Variants in DSCAM observed in about 807,000 individuals in gnomAD.
The protein encoded by DSCAM is DS cell adhesion molecule, also known as cell adhesion molecule DSCAM.
DSCAM carries 47 observed loss-of-function variants against 217.7 expected under a neutral mutation model. The observed-to-expected ratio is 0.22, with a 90% confidence interval of 0.17 to 0.28. The LOEUF is 0.28. Ranked by LOEUF, DSCAM falls within the 10% of genes least tolerant of loss-of-function variation. DSCAM has a pLI of 1.00. For missense variants in DSCAM, 2,080 were observed against 2,618.3 expected (o/e 0.79, Z 4.49); for synonymous variants, 1,056 against 1,015.3 (o/e 1.04, Z -0.76).
chr21:40,311,478 A>G (rs2205096), intron 9 of DSCAM, among the ~76,000 whole-genome samples: 28,658 of 152,166 alleles, frequency 0.19, 5,083 homozygotes, highest in African/African-American at 0.46. Context: ...CCAGTTTTCT[A>G]CAAGTTAGCC....
intron 1 of DSCAM, among the ~76,000 whole-genome samples, chr21:40,741,023 T>C (rs1034490130): frequency 3.3e-5 from 5 of 152,178 alleles, no homozygotes; most frequent in African/African-American, 1.2e-4. Context: ...ACTCAGAATT[T>C]AGTGGGGGCA....
intron 1 of DSCAM, among the ~76,000 whole-genome samples, chr21:40,802,969 G>T (rs746527274): frequency 6.6e-6 from 1 of 152,158 alleles, no homozygotes; most frequent in Non-Finnish European, 1.5e-5. Flanking sequence ...AGACAGACAA[G>T]GTACCACTAA....
At chr21:40,841,614 A>G (rs1412760115) in intron 1 of DSCAM, among the ~76,000 whole-genome samples, 1 of 152,046 alleles carries the variant, frequency 6.6e-6, no homozygotes, top group Non-Finnish European at 1.5e-5. Context: ...GCGGAGATTG[A>G]TGGACTGCGG....
intron 27 of DSCAM, among the ~76,000 whole-genome samples, chr21:40,066,264 C>T (rs920477605): frequency 5.3e-5 from 8 of 152,228 alleles, no homozygotes; most frequent in Non-Finnish European, 8.8e-5. Context: ...TTCCTGAGGA[C>T]ACATTTAATT....
intron 9 of DSCAM, among the ~76,000 whole-genome samples, chr21:40,302,485 T>A (rs2074028194): frequency 6.6e-6 from 1 of 152,166 alleles, no homozygotes; most frequent in South Asian, 2.1e-4. Context: ...CAGTCTTGGG[T>A]ATGTCTTTAT....
intron 3 of DSCAM, among the ~76,000 whole-genome samples, chr21:40,431,096 T>G (rs989568255): frequency 6.6e-6 from 1 of 152,228 alleles, no homozygotes; most frequent in Non-Finnish European, 1.5e-5. Context: ...ACAAAAATAG[T>G]TATCCTGCCA....
chr21:40,170,799 T>G (rs552048202), intron 15 of DSCAM, among the ~76,000 whole-genome samples: 71 of 152,312 alleles, frequency 4.7e-4, no homozygotes, highest in African/African-American at 1.7e-3. Flanking sequence ...TTAACTGAAT[T>G]TGACAAGAAG....
intron 1 of DSCAM, among the ~76,000 whole-genome samples, chr21:40,801,017 T>C (rs1056469767): frequency 1.3e-5 from 2 of 151,288 alleles, no homozygotes. Flanking sequence ...AGTGGCTTGA[T>C]CTTGGCTCAC....
At chr21:40,265,780 C>T (rs1030757082) in intron 11 of DSCAM, among the ~76,000 whole-genome samples, 4 of 152,056 alleles carry the variant, frequency 2.6e-5, no homozygotes, top group Non-Finnish European at 5.9e-5. Context: ...ATTCAATAAA[C>T]GGTGCTGGGA....
At chr21:40,258,633 T>C (rs1012633710) in intron 11 of DSCAM, among the ~76,000 whole-genome samples, 1 of 152,248 alleles carries the variant, frequency 6.6e-6, no homozygotes, top group African/African-American at 2.4e-5. Flanking sequence ...TACTTTATGT[T>C]CTTAGCTCCC....
chr21:40,524,437 T>G (rs1161539814), intron 3 of DSCAM, among the ~76,000 whole-genome samples: 1 of 152,144 alleles, frequency 6.6e-6, no homozygotes, highest in Admixed American at 6.5e-5. Context: ...AAAGGTTGAA[T>G]AGAAAAAGTT....
chr21:40,244,966 G>T (rs570471963), intron 11 of DSCAM, among the ~76,000 whole-genome samples: 1 of 151,486 alleles, frequency 6.6e-6, no homozygotes, highest in African/African-American at 2.4e-5. Context: ...AGAGCTGAGC[G>T]AGGCACTGGG....
chr21:40,531,099 G>A (rs1034069864), intron 3 of DSCAM, among the ~76,000 whole-genome samples: 4 of 152,156 alleles, frequency 2.6e-5, no homozygotes, highest in Middle Eastern at 3.2e-3. Context: ...CACTGAAAAC[G>A]TGATTGTCTC....
intron 3 of DSCAM, among the ~76,000 whole-genome samples, chr21:40,637,653 A>ATATATATATAAATATATATC (rs1555875020): frequency 0.15 from 1,835 of 12,380 alleles, 76 homozygotes; most frequent in African/African-American, 0.2. Flanking sequence ...ATATATATCT[A>ATATATATATAAATATATATC]TATATATATA....
chr21:40,769,522 CAG>C (rs1291514053), intron 1 of DSCAM, among the ~76,000 whole-genome samples: 2 of 152,304 alleles, frequency 1.3e-5, no homozygotes, highest in South Asian at 2.1e-4. Flanking sequence ...AGAGCCCTTT[CAG>C]AGAGTCCCAA....
chr21:40,253,806 T>C (rs903547517), intron 11 of DSCAM, among the ~76,000 whole-genome samples: 2 of 152,266 alleles, frequency 1.3e-5, no homozygotes, highest in African/African-American at 4.8e-5. Flanking sequence ...TTCCGGATCT[T>C]GCCACATGTA....
At chr21:40,109,408 G>C (rs959699552) in intron 20 of DSCAM, among the ~76,000 whole-genome samples, 3 of 152,192 alleles carry the variant, frequency 2.0e-5, no homozygotes, top group East Asian at 1.9e-4. Context: ...CAACATCACT[G>C]ATCATTAGAG....
chr21:40,610,202 A>C (rs1263990870), intron 3 of DSCAM, among the ~76,000 whole-genome samples: 1 of 152,212 alleles, frequency 6.6e-6, no homozygotes, highest in African/African-American at 2.4e-5. Flanking sequence ...TTACTGTAGA[A>C]AGAAAAAAAT....
intron 11 of DSCAM, among the ~76,000 whole-genome samples, chr21:40,205,392 C>T (rs1251869175): frequency 5.9e-5 from 9 of 152,144 alleles, no homozygotes; most frequent in Non-Finnish European, 1.0e-4. Context: ...CATCTGAGGT[C>T]AGGAGTTCGA....
Sources: allele counts gnomAD v4.1 joint callset (sites outside exome capture counted in the v4.1 genomes callset), GRCh38; gene constraint gnomAD v4.1.1; transcripts MANE v1.5; gene names NCBI Gene and HGNC (gene_info 2026-07-23, HGNC 2026-07-21).